Variants in SFI1 observed in about 807,000 individuals in gnomAD.
The protein encoded by SFI1 is SFI1 centrin binding protein.
Under a neutral mutation model 207.5 loss-of-function variants are expected in SFI1, and 195 were observed. The observed-to-expected ratio is 0.94, with a 90% CI of 0.84 to 1.06. SFI1 has a LOEUF of 1.06. Among genes scored for constraint, SFI1 ranks in the 50% least tolerant of loss-of-function variants. The pLI is 0.00. For missense variants in SFI1, 1,634 were observed against 1,588.0 expected (o/e 1.03, Z -0.49); for synonymous variants, 630 against 598.9 (o/e 1.05, Z -0.76).
chr22:31,503,748 A>G (rs2146463271), intron 1 of SFI1, among the ~76,000 whole-genome samples: 2 of 148,200 alleles, frequency 1.3e-5, no homozygotes, highest in East Asian at 2.0e-4. Flanking sequence ...CCACCATGCC[A>G]ATTTTTTTTT....
intron 1 of SFI1, 34 bp from the exon 2 acceptor site, chr22:31,508,221 A>G (rs1224220334): frequency 3.8e-6 from 5 of 1,299,770 alleles, no homozygotes; most frequent in Non-Finnish European, 3.3e-6. Context: ...GCTGCAAATC[A>G]TTTTCTCTCT....
chr22:31,612,352 C>G (rs1210215723), intron 24 of SFI1: 1 of 136,070 alleles, frequency 7.3e-6, no homozygotes, highest in African/African-American at 2.8e-5. Context: ...TGCACTCCAG[C>G]CCGGGCAACA....
chr22:31,515,186 T>G (rs770539918), intron 2 of SFI1, among the ~76,000 whole-genome samples: 1 of 152,196 alleles, frequency 6.6e-6, no homozygotes, highest in South Asian at 2.1e-4. Flanking sequence ...GACCAAAGAT[T>G]ATGGGAATCT....
chr22:31,508,276 C>T lies in SFI1; in HGVS notation c.-9C>T, dbSNP rs529917697. On this transcript the variant is annotated 5_prime_UTR_variant, in exon 2 of 33. Coordinates refer to ENST00000400288, the MANE Select transcript of SFI1 (RefSeq NM_001007467.3). Reference sequence around the variant, plus strand: ...GTAGTTAGAAGGGGAAGATAAAAGACTTTGATTCATGAAGAATCTGCTCAC... The same window carrying T: ...GTAGTTAGAAGGGGAAGATAAAAGATTTTGATTCATGAAGAATCTGCTCAC... The T allele has an allele frequency of 1.3e-6, 2 of 1,597,474 alleles. No individual in the cohort carries two copies. The highest frequency in any genetic ancestry group is 8.6e-7 in the Non-Finnish European group (1 of 1,165,614).
chr22:31,536,855 A>G (rs2059036479), intron 4 of SFI1, among the ~76,000 whole-genome samples: 1 of 152,112 alleles, frequency 6.6e-6, no homozygotes, highest in Admixed American at 6.6e-5. Context: ...AGAAAGCCTA[A>G]CAATGGCTGA....
chr22:31,537,193 G>T (rs926700739), intron 4 of SFI1, among the ~76,000 whole-genome samples: 7 of 152,110 alleles, frequency 4.6e-5, no homozygotes, highest in Non-Finnish European at 8.8e-5. Context: ...GTAACACTTC[G>T]TAGTTGCAAG....
intron 8 of SFI1, among the ~76,000 whole-genome samples, chr22:31,568,194 T>TG (rs749787029): frequency 0.27 from 24,650 of 91,514 alleles, 2,857 homozygotes; most frequent in East Asian, 0.55. Context: ...TGTGTGTGTG[T>TG]TGTGTGTGTG....
At chr22:31,608,108 C>T in intron 22 of SFI1, 75 bp downstream of exon 22, 1 of 1,198,230 alleles carries the variant, frequency 8.3e-7, no homozygotes, top group Non-Finnish European at 1.2e-6. Context: ...CTGTGGCCCG[C>T]ATAAGTCTGT....
At chr22:31,532,571 C>A (rs1050832199) in intron 4 of SFI1, among the ~76,000 whole-genome samples, 1 of 152,198 alleles carries the variant, frequency 6.6e-6, no homozygotes, top group African/African-American at 2.4e-5. Flanking sequence ...TTTCCTGTTT[C>A]ATTTTTTGAC....
rs1201513765 is a variant in SFI1, at chr22:31,553,836, A to ATTTTTTTTT, written c.545-3105_545-3104insTTTTTTTTT. On this transcript the variant is annotated intron_variant, in intron 6 of 32. Coordinates refer to ENST00000400288, the MANE Select transcript of SFI1 (RefSeq NM_001007467.3). ...CCATTCTATTTTTTTTTAATGGATT[A>ATTTTTTTTT]TGTTTTTTTTTTTTTTTTTTTTTTT... is the stretch of plus-strand genomic sequence containing the variant. 5.0e-4 allele frequency among the ~76,000 whole-genome samples: 11 copies of ATTTTTTTTT among 21,952 alleles called. 1 individual carries two copies. Among genetic ancestry groups the ATTTTTTTTT allele is most frequent in the African/African-American group, 1.4e-3 (10 of 7,308 alleles). The allele number at this position is 21,952 out of a possible 152,430, so 14.4% of individuals were successfully genotyped here.
intron 1 of SFI1, among the ~76,000 whole-genome samples, chr22:31,503,851 A>G (rs1407665186): frequency 6.6e-6 from 1 of 151,466 alleles, no homozygotes; most frequent in East Asian, 1.9e-4. Context: ...GGCCTCCCAA[A>G]GTTCTAGGAT....
At chr22:31,573,416 C>T (rs2063150144) in intron 9 of SFI1, among the ~76,000 whole-genome samples, 1 of 151,608 alleles carries the variant, frequency 6.6e-6, no homozygotes, top group South Asian at 2.1e-4. Flanking sequence ...GTATCTATAT[C>T]TATCTAGCTA....
intron 6 of SFI1, among the ~76,000 whole-genome samples, chr22:31,551,103 C>G (rs2060583985): frequency 6.6e-6 from 1 of 152,140 alleles, no homozygotes; most frequent in Admixed American, 6.6e-5. Flanking sequence ...GAGAGTAATC[C>G]TCATCTTTTT....
At chr22:31,546,537 G>A (rs1388707264) in intron 4 of SFI1, among the ~76,000 whole-genome samples, 1 of 151,922 alleles carries the variant, frequency 6.6e-6, no homozygotes, top group South Asian at 2.1e-4. Flanking sequence ...CACCATGTTG[G>A]CCAGGATCTC....
At chr22:31,533,207 T>C (rs1334303804) in intron 4 of SFI1, among the ~76,000 whole-genome samples, 1 of 152,140 alleles carries the variant, frequency 6.6e-6, no homozygotes, top group African/African-American at 2.4e-5. Context: ...ATGAATGTTA[T>C]CTACAAAGTA....
chr22:31,573,870 A>C (rs1673771037), intron 9 of SFI1, among the ~76,000 whole-genome samples: 1 of 152,188 alleles, frequency 6.6e-6, no homozygotes, highest in South Asian at 2.1e-4. Flanking sequence ...ACTTCCCTAC[A>C]TCTTAAGTAT....
At chr22:31,540,057 G>A (rs1387962893) in intron 4 of SFI1, among the ~76,000 whole-genome samples, 2 of 151,534 alleles carry the variant, frequency 1.3e-5, no homozygotes, top group Admixed American at 6.6e-5. Flanking sequence ...ATAACTTGAA[G>A]GCTTCACTGT....
At chr22:31,528,954 C>T (rs1028281652) in intron 3 of SFI1, 91 bp downstream of exon 3, 24 of 1,279,466 alleles carry the variant, frequency 1.9e-5, no homozygotes, top group African/African-American at 1.0e-4. Flanking sequence ...ATTCTTCCAC[C>T]GCAATTAGTG....
chr22:31,612,051 C>T (rs992257030), intron 24 of SFI1: 1 of 1,361,402 alleles, frequency 7.3e-7, no homozygotes, highest in African/African-American at 1.5e-5. Flanking sequence ...TACTTCAAGG[C>T]CAGTTTCTCT....
Sources: allele counts gnomAD v4.1 joint callset (sites outside exome capture counted in the v4.1 genomes callset), GRCh38; gene constraint gnomAD v4.1.1; transcripts MANE v1.5; gene names NCBI Gene and HGNC (gene_info 2026-07-23, HGNC 2026-07-21).